Variants in POC1B observed in about 807,000 individuals in gnomAD.
POC1B encodes the protein POC1 centriolar protein homolog B.
POC1B carries 44 observed loss-of-function variants against 60.6 expected under a neutral mutation model. The observed-to-expected ratio is 0.73, with a 90% CI of 0.57 to 0.93. POC1B has a LOEUF of 0.93. POC1B is among the 40% of genes least tolerant of loss of function. The pLI, the probability that POC1B is intolerant of heterozygous loss-of-function variation, is 0.00. For missense variants in POC1B, 555 were observed against 572.3 expected (o/e 0.97, Z 0.31); for synonymous variants, 180 against 198.9 (o/e 0.90, Z 0.80).
rs1021104732 is a variant in POC1B at position 89,420,422 on chromosome 12, T to C, written c.*731A>G. 6.6e-6 allele frequency: 1 copy of C among 152,238 alleles called. No individual in the cohort carries two copies. The highest frequency in any genetic ancestry group is 1.5e-5 in the Non-Finnish European group (1 of 68,034). 9.4% of individuals were successfully genotyped at this position (152,238 alleles called of 1,614,324 possible). A position where few individuals can be genotyped will look rare whatever the true frequency, so the allele number is the denominator to read the frequency against. On this transcript the variant is annotated 3_prime_UTR_variant, in exon 12 of 12. Transcript: ENST00000313546. ...ACACTAACATAATTTTTGTGAACCA[T>C]GATCAGATACAACCCAAATCATTCA...
chr12:89,452,018 C>A (rs1484831048), intron 10 of POC1B, among the ~76,000 whole-genome samples: 1 of 152,136 alleles, frequency 6.6e-6, no homozygotes, highest in Non-Finnish European at 1.5e-5. Flanking sequence ...GTAGTAATTT[C>A]CTGTGTGAAA....
chr12:89,436,033 C>T (rs1014209496), intron 10 of POC1B, among the ~76,000 whole-genome samples: 1 of 151,888 alleles, frequency 6.6e-6, no homozygotes, highest in Non-Finnish European at 1.5e-5. Flanking sequence ...CAACCTCTGC[C>T]TCCCAGGTTC....
intron 10 of POC1B, among the ~76,000 whole-genome samples, chr12:89,459,410 A>G (rs891291657): frequency 1.1e-5 from 1 of 92,946 alleles, no homozygotes; most frequent in Non-Finnish European, 2.5e-5. Flanking sequence ...TAAAGTATAA[A>G]AAAAAAAAAA....
intron 4 of POC1B, among the ~76,000 whole-genome samples, chr12:89,479,574 T>G (rs1442977476): frequency 7.2e-6 from 1 of 138,508 alleles, no homozygotes; most frequent in Non-Finnish European, 1.5e-5. Flanking sequence ...TAACCTTTGT[T>G]AAATTAGATT....
chr12:89,446,958 A>T (rs373855084), intron 10 of POC1B, among the ~76,000 whole-genome samples: 11 of 152,292 alleles, frequency 7.2e-5, no homozygotes, highest in African/African-American at 2.6e-4. Context: ...ATTCACAAAC[A>T]TACTCATAGT....
At chr12:89,477,992 T>A (rs1883182247) in intron 4 of POC1B, among the ~76,000 whole-genome samples, 1 of 152,190 alleles carries the variant, frequency 6.6e-6, no homozygotes, top group Non-Finnish European at 1.5e-5. Context: ...TCTGCTTCAA[T>A]GTCACTTCCT....
chr12:89,441,782 G>C (rs1565898171), intron 10 of POC1B, among the ~76,000 whole-genome samples: 1 of 152,216 alleles, frequency 6.6e-6, no homozygotes, highest in Non-Finnish European at 1.5e-5. Context: ...TTGACAAGTT[G>C]AGAGAAGAAG....
At chr12:89,416,788 A>G (rs1189776241), downstream of POC1B, among the ~76,000 whole-genome samples, 1 of 152,328 alleles carries the variant, frequency 6.6e-6, no homozygotes, top group African/African-American at 2.4e-5. Flanking sequence ...AATAAAAATT[A>G]TTTTTTAAAA....
chr12:89,525,429 C>A, intron 1 of POC1B: 3 of 1,382,176 alleles, frequency 2.2e-6, no homozygotes, highest in Middle Eastern at 2.7e-4. Flanking sequence ...GCAAAACGCT[C>A]TGTTCGCGCT....
chr12:89,442,628 C>T (rs931574257), intron 10 of POC1B, among the ~76,000 whole-genome samples: 15 of 152,156 alleles, frequency 9.9e-5, no homozygotes, highest in Admixed American at 2.6e-4. Context: ...AAGGAACAAC[C>T]GGTACCAGCC....
At chr12:89,510,763 C>CTTCTTTT (rs71859440) in intron 2 of POC1B, among the ~76,000 whole-genome samples, 1 of 139,088 alleles carries the variant, frequency 7.2e-6, no homozygotes, top group Non-Finnish European at 1.5e-5. Context: ...TGTTTTTATT[C>CTTCTTTT]TTTTTTTTTT....
At chr12:89,442,646 A>C (rs529838600) in intron 10 of POC1B, among the ~76,000 whole-genome samples, 2 of 152,350 alleles carry the variant, frequency 1.3e-5, no homozygotes, top group South Asian at 4.1e-4. Context: ...GCCACTGCAA[A>C]AACATGCCAA....
chr12:89,404,174 T>C, the POC1B span, among the ~76,000 whole-genome samples: 1 of 151,802 alleles, frequency 6.6e-6, no homozygotes, highest in Non-Finnish European at 1.5e-5. Flanking sequence ...ATGGCAGCCT[T>C]TCAAATACCT....
intron 10 of POC1B, among the ~76,000 whole-genome samples, chr12:89,446,037 A>G (rs1881771815): frequency 6.6e-6 from 1 of 152,256 alleles, no homozygotes. Flanking sequence ...AGAAATGGAA[A>G]TCAAAACCAC....
chr12:89,516,636 G>C (rs1235527969), intron 2 of POC1B, among the ~76,000 whole-genome samples: 1 of 152,118 alleles, frequency 6.6e-6, no homozygotes, highest in Non-Finnish European at 1.5e-5. Context: ...CAAGTTTCCT[G>C]TAGCTGCTGT....
intron 2 of POC1B, among the ~76,000 whole-genome samples, chr12:89,504,466 G>T (rs530888321): frequency 4.6e-5 from 7 of 152,242 alleles, no homozygotes; most frequent in Admixed American, 2.0e-4. Flanking sequence ...CACAAACACT[G>T]CGGAAGGCCG....
chr12:89,463,464 G>A (rs1476516280), intron 9 of POC1B, among the ~76,000 whole-genome samples: 2 of 152,086 alleles, frequency 1.3e-5, no homozygotes, highest in African/African-American at 2.4e-5. Flanking sequence ...GTCTGGTTTT[G>A]TCTAGGGGCA....
chr12:89,406,508 G>A, the POC1B span, among the ~76,000 whole-genome samples: 1 of 152,136 alleles, frequency 6.6e-6, no homozygotes, highest in Non-Finnish European at 1.5e-5. Flanking sequence ...AGGCAGCATA[G>A]AGCAGTGGCA....
chr12:89,406,107 C>G, the POC1B span, among the ~76,000 whole-genome samples: 2 of 150,884 alleles, frequency 1.3e-5, no homozygotes, highest in African/African-American at 4.9e-5. Flanking sequence ...CAGCAGACTT[C>G]CCCCCACATC....
Sources: allele counts gnomAD v4.1 joint callset (sites outside exome capture counted in the v4.1 genomes callset), GRCh38; gene constraint gnomAD v4.1.1; transcripts MANE v1.5; gene names NCBI Gene and HGNC (gene_info 2026-07-23, HGNC 2026-07-21).